Variants in RGS12 observed in about 807,000 individuals in gnomAD.
The protein encoded by RGS12 is regulator of G-protein signaling 12.
RGS12 carries 66 observed loss-of-function variants against 120.1 expected under a neutral mutation model. That is an observed-to-expected ratio of 0.55 (90% CI 0.45 to 0.67). RGS12 has a LOEUF of 0.67. Ranked by LOEUF, RGS12 falls within the 30% of genes least tolerant of loss-of-function variation. RGS12 has a pLI of 0.00. For synonymous variants in RGS12, 827 were observed against 804.7 expected (o/e 1.03, Z -0.47); for missense variants, 1,859 against 1,957.7 (o/e 0.95, Z 0.95).
intron 4 of RGS12, among the ~76,000 whole-genome samples, chr4:3,406,179 C>T (rs1436781091): frequency 5.3e-5 from 8 of 152,154 alleles, no homozygotes; most frequent in Non-Finnish European, 8.8e-5. Flanking sequence ...CCGAGGTGAC[C>T]GGCCAGAAAG....
At chr4:3,293,891 A>G (rs1378419670) in intron 1 of RGS12, among the ~76,000 whole-genome samples, 2 of 38,228 alleles carry the variant, frequency 5.2e-5, no homozygotes, top group Non-Finnish European at 9.3e-5. Flanking sequence ...TAGTGTAGAC[A>G]GAGAGGGGAC....
intron 2 of RGS12, among the ~76,000 whole-genome samples, chr4:3,332,464 A>G (rs1464716381): frequency 6.6e-6 from 1 of 152,266 alleles, no homozygotes; most frequent in Non-Finnish European, 1.5e-5. Flanking sequence ...GAGCCACTAA[A>G]GAATTACTCA....
chr4:3,337,329 A>G (rs1235930873), intron 2 of RGS12, among the ~76,000 whole-genome samples: 1 of 152,232 alleles, frequency 6.6e-6, no homozygotes, highest in Non-Finnish European at 1.5e-5. Context: ...AAAAACCAAC[A>G]GTACAATGAC....
chr4:3,302,986 C>T (rs1027900742), intron 1 of RGS12, among the ~76,000 whole-genome samples: 2 of 152,176 alleles, frequency 1.3e-5, no homozygotes, highest in Non-Finnish European at 2.9e-5. Flanking sequence ...CACTGGTTGC[C>T]TGTTCGTAGT....
intron 2 of RGS12, among the ~76,000 whole-genome samples, chr4:3,335,612 A>G (rs1050814918): frequency 6.6e-6 from 1 of 152,166 alleles, no homozygotes; most frequent in African/African-American, 2.4e-5. Flanking sequence ...CTCAGTTTGC[A>G]GTTTGCCCAG....
upstream of RGS12, among the ~76,000 whole-genome samples, chr4:3,290,668 G>A (rs1353504848): frequency 3.9e-5 from 6 of 152,208 alleles, no homozygotes; most frequent in Non-Finnish European, 7.3e-5. Context: ...CCGCTGAGCC[G>A]CTGCCTGGCA....
intron 3 of RGS12, among the ~76,000 whole-genome samples, chr4:3,350,652 A>AG (rs1714262976): frequency 6.6e-6 from 1 of 152,236 alleles, no homozygotes; most frequent in African/African-American, 2.4e-5. Context: ...ACTGCACCCC[A>AG]GCCTGGGTGA....
intron 3 of RGS12, chr4:3,378,148 T>C (rs1404635858): frequency 6.6e-6 from 1 of 152,190 alleles, no homozygotes; most frequent in Non-Finnish European, 1.5e-5. Context: ...TGCTGTGCTT[T>C]AATGCATAAA....
At chr4:3,377,194 C>T (rs1717796533) in intron 3 of RGS12, among the ~76,000 whole-genome samples, 1 of 151,958 alleles carries the variant, frequency 6.6e-6, no homozygotes, top group African/African-American at 2.4e-5. Flanking sequence ...GCCTCAGCCC[C>T]CCAAGTAGCT....
intron 10 of RGS12, among the ~76,000 whole-genome samples, chr4:3,422,087 C>T (rs1301689437): frequency 1.3e-5 from 2 of 152,186 alleles, no homozygotes; most frequent in South Asian, 2.1e-4. Flanking sequence ...GCAGGACAGC[C>T]CTGCTTCTGG....
rs118104538 is a variant in RGS12, at chr4:3,374,416, T to C, written c.1999-12000T>C. Among the ~76,000 whole-genome samples the C allele has an allele frequency of 1.9e-3, 285 of 152,240 alleles. 4 individuals are homozygous for C. The East Asian group carries it at 0.044, about 23-fold the overall frequency. On this transcript the variant is annotated intron_variant, in intron 3 of 17. Coordinates refer to ENST00000336727, the MANE Select transcript of RGS12 (RefSeq NM_001394154.1). This position sits in a 1 kb window ranked among gnomAD's most constrained non-coding sequence, Gnocchi z 6.3. Reference sequence around the variant, plus strand: ...TTCCACGACAGGCTCGATTCGTCCCTCGCATGCTGCCCTCCCAGCCTGGCC... The same window carrying C: ...TTCCACGACAGGCTCGATTCGTCCCCCGCATGCTGCCCTCCCAGCCTGGCC...
intron 17 of RGS12, among the ~76,000 whole-genome samples, chr4:3,437,379 C>T (rs1025271671): frequency 2.6e-5 from 4 of 152,184 alleles, no homozygotes; most frequent in African/African-American, 7.2e-5. Context: ...GGGGTAGAGC[C>T]GGGCTTCTGG....
intron 3 of RGS12, among the ~76,000 whole-genome samples, chr4:3,376,355 G>A (rs185745173): frequency 8.5e-5 from 13 of 152,232 alleles, no homozygotes; most frequent in Admixed American, 2.6e-4. Flanking sequence ...CCCGCAGACC[G>A]TGGTGGCTGC....
chr4:3,414,409 G>A lies in RGS12; in HGVS notation c.2190+168G>A, dbSNP rs1026645075. ...GCCACCCTCTCAAGAGCTCAGAGGA[G>A]GGTGGGTTGAATCCTGCCCCTGGTT... On this transcript the variant is annotated intron_variant, in intron 5 of 17. Coordinates refer to ENST00000336727, the MANE Select transcript of RGS12 (RefSeq NM_001394154.1). 8 of 773,092 alleles carry A rather than the reference G, an allele frequency of 1.0e-5. No homozygotes were observed. The African/African-American group carries it at 1.4e-4, about 14-fold the overall frequency. 47.9% of individuals were successfully genotyped at this position (773,092 alleles called of 1,614,324 possible).
At chr4:3,320,275 C>G (rs1049405589) in intron 2 of RGS12, among the ~76,000 whole-genome samples, 1 of 152,138 alleles carries the variant, frequency 6.6e-6, no homozygotes, top group African/African-American at 2.4e-5. Context: ...CTCCTTGGGG[C>G]GGGTGACATG....
intron 3 of RGS12, chr4:3,378,584 A>G (rs1329712814): frequency 6.6e-6 from 1 of 152,256 alleles, no homozygotes; most frequent in East Asian, 1.9e-4. Context: ...AAATAACCCA[A>G]TTGAAAAATG....
intron 3 of RGS12, among the ~76,000 whole-genome samples, chr4:3,345,659 T>G (rs1211755728): frequency 6.6e-6 from 1 of 152,248 alleles, no homozygotes; most frequent in Non-Finnish European, 1.5e-5. Flanking sequence ...GTCTGTTCCA[T>G]GGGTGTTGGC....
chr4:3,286,022 C>T, the RGS12 span, among the ~76,000 whole-genome samples: 2,436 of 152,340 alleles, frequency 0.016, 74 homozygotes, highest in East Asian at 0.14. Flanking sequence ...CCGCTGGGGC[C>T]GTCACCAAAA....
At chr4:3,334,519 T>A (rs946143599) in intron 2 of RGS12, among the ~76,000 whole-genome samples, 25 of 152,214 alleles carry the variant, frequency 1.6e-4, no homozygotes, top group Admixed American at 1.6e-3. Flanking sequence ...GGTATCAAGA[T>A]TACTGTAGTC....
Sources: allele counts gnomAD v4.1 joint callset (sites outside exome capture counted in the v4.1 genomes callset), GRCh38; gene constraint gnomAD v4.1.1; non-coding constraint Gnocchi (gnomAD v3.1); transcripts MANE v1.5; gene names NCBI Gene and HGNC (gene_info 2026-07-23, HGNC 2026-07-21).